The following CUX1 variants were observed in gnomAD, a reference collection of about 807,000 sequenced individuals.
The protein encoded by CUX1 is protein CASP.
CUX1 carries 31 observed loss-of-function variants against 158.8 expected under a neutral mutation model. The ratio of observed to expected loss-of-function variants is 0.20; its 90% CI spans 0.15 to 0.26. CUX1 has a LOEUF of 0.26. Ranked by LOEUF, CUX1 falls within the 10% of genes least tolerant of loss-of-function variation. The pLI, the probability that CUX1 is intolerant of heterozygous loss-of-function variation, is 1.00. For synonymous variants in CUX1, 879 were observed against 862.1 expected (o/e 1.02, Z -0.34); for missense variants, 1,589 against 2,014.6 (o/e 0.79, Z 4.04).
chr7:102,115,496 G>A (rs1831350087), intron 8 of CUX1: 1 of 441,898 alleles, frequency 2.3e-6, no homozygotes, highest in Non-Finnish European at 3.9e-6. Flanking sequence ...TCACTGCTAT[G>A]CCTTCTGCCA....
intron 4 of CUX1, among the ~76,000 whole-genome samples, chr7:102,095,669 A>G (rs1262511883): frequency 6.6e-6 from 1 of 152,184 alleles, no homozygotes; most frequent in Non-Finnish European, 1.5e-5. Flanking sequence ...CTGGCATTTG[A>G]AAATTAAGTG....
intron 20 of CUX1, among the ~76,000 whole-genome samples, chr7:102,207,313 C>T (rs1220997198): frequency 2.6e-5 from 4 of 152,160 alleles, no homozygotes; most frequent in Admixed American, 1.3e-4. Context: ...ACCCGCCTTC[C>T]ATGTCATTCC....
At chr7:102,260,072 G>C (rs1790275570), downstream of CUX1, among the ~76,000 whole-genome samples, 1 of 147,286 alleles carries the variant, frequency 6.8e-6, no homozygotes, top group South Asian at 2.2e-4. Flanking sequence ...TCCAGCCTGG[G>C]CAACACAGCA....
chr7:101,962,641 C>A (rs1467725352), intron 2 of CUX1, among the ~76,000 whole-genome samples: 1 of 152,132 alleles, frequency 6.6e-6, no homozygotes, highest in African/African-American at 2.4e-5. Flanking sequence ...TGGATTTCTC[C>A]CTTGCTTTTA....
chr7:102,282,978 AACAC>A (rs1554549821), intron 22 of CUX1: 1 of 1,218,090 alleles, frequency 8.2e-7, no homozygotes, highest in East Asian at 4.0e-5. Context: ...CCCCTTCCCC[AACAC>A]ACACACTCGG....
At chr7:102,107,076 AT>A (rs1202469698) in intron 6 of CUX1, among the ~76,000 whole-genome samples, 1 of 152,002 alleles carries the variant, frequency 6.6e-6, no homozygotes, top group African/African-American at 2.4e-5. Flanking sequence ...GCATGAATGA[AT>A]GTATGAATGC....
intron 12 of CUX1, among the ~76,000 whole-genome samples, chr7:102,192,551 C>T (rs1219773722): frequency 1.3e-5 from 2 of 152,112 alleles, no homozygotes; most frequent in Admixed American, 6.6e-5. Context: ...TTCAGCTGGG[C>T]GCAGTGGCTC....
At chr7:102,150,004 G>T (rs782821133) in intron 8 of CUX1, among the ~76,000 whole-genome samples, 2 of 152,324 alleles carry the variant, frequency 1.3e-5, no homozygotes, top group South Asian at 4.1e-4. Flanking sequence ...CAGCCCTGGG[G>T]TAGAAGGGGA....
At chr7:102,142,600 G>C (rs1159817209) in intron 8 of CUX1, among the ~76,000 whole-genome samples, 1 of 151,850 alleles carries the variant, frequency 6.6e-6, no homozygotes, top group Non-Finnish European at 1.5e-5. Context: ...ACTCCAGCCT[G>C]GGCAACAGAG....
intron 2 of CUX1, among the ~76,000 whole-genome samples, chr7:101,942,054 T>G (rs1320493963): frequency 6.6e-6 from 1 of 152,220 alleles, no homozygotes; most frequent in East Asian, 1.9e-4. Flanking sequence ...GGGGTAGAAA[T>G]GTACCCAGCT....
In CUX1 at chr7:102,250,515, C is replaced by T. The variant is rs1436519846; in HGVS notation, c.*1473C>T. On this transcript the variant is annotated 3_prime_UTR_variant, in exon 24 of 24. Coordinates refer to ENST00000292535, the MANE Select transcript of CUX1 (RefSeq NM_181552.4). ...CAAGCACTGATGACCCTGTTGAACTCGTGGGAAACTTCCTTTCTCTGCAGG... is the reference window on the plus strand; with the variant it reads ...CAAGCACTGATGACCCTGTTGAACTTGTGGGAAACTTCCTTTCTCTGCAGG... 11 of 985,462 alleles carry T rather than the reference C, an allele frequency of 1.1e-5. No individual in the cohort carries two copies. The highest frequency in any genetic ancestry group is 1.3e-5 in the Non-Finnish European group (11 of 829,964). The allele number at this position is 985,462 out of a possible 1,614,324, so 61.0% of individuals were successfully genotyped here.
intron 20 of CUX1, 126 bp from the exon 21 acceptor site, chr7:102,227,241 C>T: frequency 1.2e-6 from 1 of 821,632 alleles, no homozygotes; most frequent in East Asian, 2.5e-5. Flanking sequence ...CTAAGACCCA[C>T]AGAAAACCCT....
chr7:101,899,523 C>G (rs1801912892), intron 1 of CUX1, among the ~76,000 whole-genome samples: 1 of 152,096 alleles, frequency 6.6e-6, no homozygotes, highest in African/African-American at 2.4e-5. Flanking sequence ...TGCCACTGCA[C>G]TCCAGTCTGA....
At chr7:102,272,065 C>T (rs188758004) in intron 14 of CUX1, among the ~76,000 whole-genome samples, 6 of 152,280 alleles carry the variant, frequency 3.9e-5, no homozygotes, top group African/African-American at 1.4e-4. Flanking sequence ...CTGAACGAGG[C>T]GAGACTCTGG....
chr7:101,898,585 C>CTTTTT (rs67714464), intron 1 of CUX1, among the ~76,000 whole-genome samples: 11 of 115,448 alleles, frequency 9.5e-5, no homozygotes, highest in Non-Finnish European at 1.1e-4. Context: ...ATTTCTGTGT[C>CTTTTT]TTTTTTTTTT....
rs1795269412 is a variant in CUX1, at chr7:101,842,423, C to T, written c.30+24754C>T. ...CTTTCTTTGAGACAGAGTCTCGCTG[C>T]ATCACCCAGGCTGGCACGCAGTGGC... On this transcript the variant is annotated intron_variant, in intron 1 of 23. Coordinates refer to ENST00000292535, the MANE Select transcript of CUX1 (RefSeq NM_181552.4). Among the ~76,000 whole-genome samples, 4 of 152,024 alleles carry T rather than the reference C, an allele frequency of 2.6e-5. No homozygotes were observed. The South Asian group carries it at 8.3e-4, about 32-fold the overall frequency.
intron 2 of CUX1, among the ~76,000 whole-genome samples, chr7:102,010,551 T>C (rs1817879595): frequency 6.6e-6 from 1 of 152,160 alleles, no homozygotes; most frequent in Non-Finnish European, 1.5e-5. Flanking sequence ...GTGATGTACA[T>C]ACCTGTAGCT....
At chr7:102,092,912 CAAAAAAAA>C (rs60587564) in intron 4 of CUX1, among the ~76,000 whole-genome samples, 4 of 74,956 alleles carry the variant, frequency 5.3e-5, no homozygotes, top group East Asian at 1.3e-3. Context: ...GACTCCGTCT[CAAAAAAAA>C]AAAAAAAAAA....
At chr7:101,964,385 AT>A (rs1202711574) in intron 2 of CUX1, among the ~76,000 whole-genome samples, 1 of 152,070 alleles carries the variant, frequency 6.6e-6, no homozygotes, top group Non-Finnish European at 1.5e-5. Flanking sequence ...CTGAGCAGGA[AT>A]TTGGGCCCAG....
Sources: gnomAD v4.1 joint callset for allele counts (sites outside exome capture counted in the v4.1 genomes callset) on GRCh38, gnomAD v4.1.1 for gene constraint, MANE v1.5 for transcripts, NCBI Gene and HGNC (gene_info 2026-07-23, HGNC 2026-07-21) for gene names.